The following SRBD1 variants were observed in gnomAD, a reference collection of about 807,000 sequenced individuals.
SRBD1 encodes S1 RNA-binding domain-containing protein 1.
Under a neutral mutation model 115.3 loss-of-function variants are expected in SRBD1, and 88 were observed. The ratio of observed to expected loss-of-function variants is 0.76; its 90% CI spans 0.64 to 0.91. The LOEUF is 0.91. Ranked by LOEUF, SRBD1 falls within the 40% of genes least tolerant of loss-of-function variation. The pLI is 0.00. For missense variants in SRBD1, 1,385 were observed against 1,177.4 expected, an observed-to-expected ratio of 1.18 and a Z score of -2.58; for synonymous variants, 509 against 407.7, an observed-to-expected ratio of 1.25 and a Z score of -2.99.
intron 19 of SRBD1, among the ~76,000 whole-genome samples, chr2:45,398,155 C>T (rs2103824832): frequency 6.6e-6 from 1 of 152,120 alleles, no homozygotes; most frequent in Middle Eastern, 3.4e-3. Context: ...ACAGCTGAGA[C>T]CGTTTTTTTA....
intron 14 of SRBD1, among the ~76,000 whole-genome samples, chr2:45,545,843 A>G (rs1437854870): frequency 2.0e-5 from 3 of 152,174 alleles, no homozygotes; most frequent in Non-Finnish European, 4.4e-5. Context: ...CTTGACTATA[A>G]TAACTGCCTG....
chr2:45,523,956 T>C (rs1390385764), intron 14 of SRBD1, among the ~76,000 whole-genome samples: 1 of 151,876 alleles, frequency 6.6e-6, no homozygotes, highest in Non-Finnish European at 1.5e-5. Flanking sequence ...AACAACACCA[T>C]CACCAAGTGG....
intron 15 of SRBD1, among the ~76,000 whole-genome samples, chr2:45,488,039 T>A (rs1171252285): frequency 6.6e-6 from 1 of 152,194 alleles, no homozygotes; most frequent in Admixed American, 6.5e-5. Flanking sequence ...TAGTGTTCTT[T>A]TAAAAAGTAC....
chr2:45,589,626 CA>C (rs1673652308), intron 4 of SRBD1, among the ~76,000 whole-genome samples: 1 of 152,186 alleles, frequency 6.6e-6, no homozygotes, highest in Admixed American at 6.5e-5. Context: ...TAGGTCCTAA[CA>C]AATCCATATG....
intron 19 of SRBD1, among the ~76,000 whole-genome samples, chr2:45,404,247 G>A (rs1045965164): frequency 2.0e-5 from 3 of 152,088 alleles, no homozygotes; most frequent in Non-Finnish European, 4.4e-5. Flanking sequence ...GGGGAGAGAC[G>A]GGTTCAGATT....
intron 10 of SRBD1, among the ~76,000 whole-genome samples, chr2:45,556,118 TAC>T (rs1672468002): frequency 6.6e-6 from 1 of 151,536 alleles, no homozygotes; most frequent in African/African-American, 2.4e-5. Flanking sequence ...GAAAGTGTCA[TAC>T]AGTTTTTAAA....
chr2:45,608,143 G>A (rs143931305), intron 1 of SRBD1, among the ~76,000 whole-genome samples: 30 of 152,256 alleles, frequency 2.0e-4, no homozygotes, highest in Admixed American at 8.5e-4. Context: ...GCAAACCCTT[G>A]GCAGGCTTAT....
chr2:45,414,427 T>G (rs1391857064), intron 18 of SRBD1, among the ~76,000 whole-genome samples: 1 of 151,842 alleles, frequency 6.6e-6, no homozygotes, highest in African/African-American at 2.4e-5. Flanking sequence ...TACACATATA[T>G]ACATATACAC....
intron 19 of SRBD1, among the ~76,000 whole-genome samples, chr2:45,411,141 G>A (rs1327190604): frequency 1.3e-5 from 2 of 152,076 alleles, no homozygotes; most frequent in Admixed American, 6.5e-5. Context: ...ACTATCTCCA[G>A]GTAGATAGTG....
At chr2:45,601,028 A>C (rs1674075733) in intron 3 of SRBD1, among the ~76,000 whole-genome samples, 1 of 152,176 alleles carries the variant, frequency 6.6e-6, no homozygotes, top group Non-Finnish European at 1.5e-5. Flanking sequence ...CAGAGACATA[A>C]AGATAAAATA....
chr2:45,561,526 T>C (rs1358320399), intron 10 of SRBD1, among the ~76,000 whole-genome samples: 1 of 152,242 alleles, frequency 6.6e-6, no homozygotes, highest in Non-Finnish European at 1.5e-5. Flanking sequence ...TTAAGTATCA[T>C]TCCTAGCAAT....
At chr2:45,552,824 C>T (rs562448452) in intron 11 of SRBD1, among the ~76,000 whole-genome samples, 20 of 152,290 alleles carry the variant, frequency 1.3e-4, no homozygotes, top group South Asian at 2.1e-4. Context: ...TACCTGCTCA[C>T]TCCCTGCTCT....
At chr2:45,595,777 A>T (rs1012831666) in intron 4 of SRBD1, among the ~76,000 whole-genome samples, 1 of 152,236 alleles carries the variant, frequency 6.6e-6, no homozygotes, top group Admixed American at 6.5e-5. Flanking sequence ...GGATAATTGC[A>T]ACTGGTTAAA....
chr2:45,496,513 C>T (rs1670464238), intron 14 of SRBD1, among the ~76,000 whole-genome samples: 1 of 151,954 alleles, frequency 6.6e-6, no homozygotes, highest in Admixed American at 6.6e-5. Flanking sequence ...ATAGAAGCAG[C>T]GATATACTTT....
Position 45,488,332 on chromosome 2 carries a change from C to T in SRBD1, c.1875-1G>A. 1.2e-6 allele frequency: 2 copies of T among 1,611,550 alleles called. No homozygotes were observed. The highest frequency in any genetic ancestry group is 8.5e-7 in the Non-Finnish European group (1 of 1,178,414). ...TGATGCTCCTGCTTCACTGACGATA[C>T]TGAGAAGACAGAAAAAGGGGAATAT... On this transcript the variant is annotated splice_acceptor_variant, in intron 14 of 20. Transcript: ENST00000263736. LOFTEE classifies it high-confidence loss of function.
intron 16 of SRBD1, among the ~76,000 whole-genome samples, chr2:45,420,982 A>G (rs188956955): frequency 6.6e-6 from 1 of 152,156 alleles, no homozygotes; most frequent in East Asian, 1.9e-4. Context: ...AACAGAGGTT[A>G]TTAACAGAAG....
intron 16 of SRBD1, among the ~76,000 whole-genome samples, chr2:45,423,878 A>T (rs1668077888): frequency 6.6e-6 from 1 of 152,180 alleles, no homozygotes; most frequent in Non-Finnish European, 1.5e-5. Flanking sequence ...GTATGTATGA[A>T]CTTAAGAACC....
In SRBD1 at chr2:45,592,864, G is replaced by C. The variant is rs184554347; in HGVS notation, c.648+6585C>G. Among the ~76,000 whole-genome samples the C allele has an allele frequency of 9.9e-5, 15 of 152,268 alleles. No homozygotes were observed. The East Asian group carries it at 2.3e-3, about 24-fold the overall frequency. ...GCAAATTCTTGGGTCCCACCCAAAA[G>C]CCACTCAATCAGAAACTCTGGGGTG... is the stretch of plus-strand genomic sequence containing the variant. On this transcript the variant is annotated intron_variant, in intron 4 of 20. Coordinates refer to ENST00000263736, the MANE Select transcript of SRBD1 (RefSeq NM_018079.5).
At chr2:45,585,069 G>A (rs1266029926) in intron 5 of SRBD1, among the ~76,000 whole-genome samples, 1 of 151,932 alleles carries the variant, frequency 6.6e-6, no homozygotes, top group African/African-American at 2.4e-5. Flanking sequence ...AGAGTCGCCT[G>A]AGCCTGGGAT....
Sources: allele counts gnomAD v4.1 joint callset (sites outside exome capture counted in the v4.1 genomes callset), GRCh38; gene constraint gnomAD v4.1.1; transcripts MANE v1.5; gene names NCBI Gene and HGNC (gene_info 2026-07-23, HGNC 2026-07-21).